The following LIN9 variants were observed in gnomAD, a reference collection of about 807,000 sequenced individuals.
LIN9 encodes the protein protein lin-9 homolog.
Under a neutral mutation model 78.0 loss-of-function variants are expected in LIN9, and 18 were observed. The ratio of observed to expected loss-of-function variants is 0.23; its 90% CI spans 0.16 to 0.34. LIN9 has a LOEUF of 0.34. Among genes scored for constraint, LIN9 ranks in the 10% least tolerant of loss-of-function variants. The probability of loss-of-function intolerance (pLI) is 1.00; values close to 1 mark genes in which losing one functional copy is unlikely to be tolerated. For missense variants in LIN9, 451 were observed against 644.1 expected, an observed-to-expected ratio of 0.70 and a Z score of 3.25; for synonymous variants, 192 against 215.2, an observed-to-expected ratio of 0.89 and a Z score of 0.94.
intron 8 of LIN9, among the ~76,000 whole-genome samples, chr1:226,267,748 T>G (rs1371442507): frequency 1.3e-5 from 2 of 152,148 alleles, no homozygotes; most frequent in Non-Finnish European, 2.9e-5. Context: ...GTCGTTAAGG[T>G]CCAACAGAGA....
intron 4 of LIN9, among the ~76,000 whole-genome samples, chr1:226,292,322 G>A (rs762766049): frequency 1.3e-5 from 2 of 152,124 alleles, no homozygotes; most frequent in Non-Finnish European, 2.9e-5. Flanking sequence ...ACCACACCCA[G>A]CTAATTTTTG....
chr1:226,302,183 G>A lies in LIN9; in HGVS notation c.32-978C>T, dbSNP rs571946832. On this transcript the variant is annotated intron_variant, in intron 1 of 14. Transcript: ENST00000681046. ...GATTCTGTTGCAGGTAACCCACTTT[G>A]AGAAACATCAGGCTACAGGTTCTGG... 1.3e-4 allele frequency among the ~76,000 whole-genome samples: 20 copies of A among 152,328 alleles called. No individual in the cohort carries two copies. The East Asian group carries it at 3.3e-3, about 25-fold the overall frequency.
At position 226,259,379 on chromosome 1, in the gene LIN9, AG is replaced by A. The variant is rs1369527713; in HGVS notation, c.1038+6153del. ...TTGGAGATTTTGATACCCCTCTATC[AG>A]AAATGAACAGATTCAATGGGCAGAA... is the stretch of plus-strand genomic sequence containing the variant. On this transcript the variant is annotated intron_variant, in intron 10 of 14. Transcript: ENST00000681046. Among the ~76,000 whole-genome samples, 4 of 152,332 alleles carry A rather than the reference AG, an allele frequency of 2.6e-5. No individual in the cohort carries two copies. The East Asian group carries it at 5.8e-4, about 22-fold the overall frequency.
chr1:226,304,579 T>C (rs56321125), intron 1 of LIN9, among the ~76,000 whole-genome samples: 31,588 of 152,124 alleles, frequency 0.21, 3,667 homozygotes, highest in East Asian at 0.34. Flanking sequence ...CTCTAAGTAC[T>C]AGCTACCTTA....
In LIN9 at chr1:226,290,307, C is replaced by T. The variant is rs546790209; in HGVS notation, c.265-2510G>A. Reference sequence around the variant, plus strand: ...TCAACTTTGCTCTTATATAAAATGCCAACTAAAACAAGTGAGAGGCTATTT... The same window carrying T: ...TCAACTTTGCTCTTATATAAAATGCTAACTAAAACAAGTGAGAGGCTATTT... On this transcript the variant is annotated intron_variant, in intron 4 of 14. Transcript: ENST00000681046. 8.0e-5 allele frequency among the ~76,000 whole-genome samples: 12 copies of T among 150,384 alleles called. No individual in the cohort carries two copies. In the South Asian group the frequency reaches 2.1e-3, roughly 26 times the overall value.
intron 11 of LIN9, among the ~76,000 whole-genome samples, chr1:226,250,276 C>A (rs57707220): frequency 0.27 from 40,915 of 151,702 alleles, 5,559 homozygotes; most frequent in South Asian, 0.33. Flanking sequence ...GTCAAGATAA[C>A]CTAAAGATGA....
chr1:226,275,622 G>GGCAGAGGCT (rs922949477), intron 7 of LIN9, among the ~76,000 whole-genome samples: 3 of 150,778 alleles, frequency 2.0e-5, no homozygotes, highest in Non-Finnish European at 4.4e-5. Context: ...GAACCTGGGA[G>GGCAGAGGCT]GCAGAGGCTG....
intron 7 of LIN9, among the ~76,000 whole-genome samples, chr1:226,270,277 T>TTAA (rs1660182529): frequency 2.0e-5 from 3 of 151,934 alleles, no homozygotes; most frequent in South Asian, 2.1e-4. Context: ...GAAATCAAGT[T>TTAA]TAATAATAAT....
At chr1:226,301,757 G>A (rs941588367) in intron 1 of LIN9, among the ~76,000 whole-genome samples, 1 of 152,178 alleles carries the variant, frequency 6.6e-6, no homozygotes, top group Non-Finnish European at 1.5e-5. Flanking sequence ...GGGGTCCACT[G>A]GATAAAACAA....
At position 226,233,126 on chromosome 1, in the gene LIN9, A is replaced by G. The variant is rs1270764828; in HGVS notation, c.1493T>C (p.Ile498Thr). Reference sequence around the variant, plus strand: ...ATTAGAAGCGTCTATTGTACTCTTGATATCATTTAATGAGTCTGTAAGTGA... The same window carrying G: ...ATTAGAAGCGTCTATTGTACTCTTGGTATCATTTAATGAGTCTGTAAGTGA... ...FKSLTDSLND[I>T]KSTIDASNIS... Residue 498 changes from isoleucine to threonine, a missense_variant, in exon 14 of 15, where the codon ATC (isoleucine) becomes ACC (threonine). Coordinates refer to ENST00000681046, the MANE Select transcript of LIN9 (RefSeq NM_001366245.2). 1 of 1,606,058 alleles carries G rather than the reference A, an allele frequency of 6.2e-7. No homozygotes were observed. The highest frequency in any genetic ancestry group is 8.5e-7 in the Non-Finnish European group (1 of 1,176,396).
At chr1:226,269,729 C>G (rs1660147872) in intron 7 of LIN9, among the ~76,000 whole-genome samples, 1 of 152,124 alleles carries the variant, frequency 6.6e-6, no homozygotes, top group Non-Finnish European at 1.5e-5. Context: ...TCTACCATCC[C>G]TGGCTAACTG....
intron 2 of LIN9, among the ~76,000 whole-genome samples, chr1:226,299,504 CAA>C (rs34440310): frequency 1.6e-3 from 139 of 88,888 alleles, no homozygotes; most frequent in South Asian, 8.2e-3. Flanking sequence ...GACTCAGTCT[CAA>C]AAAAAAAAAA....
In LIN9 at chr1:226,256,234, G is replaced by GA. The variant is rs939957336; in HGVS notation, c.1039-5316dup. ...CCCATCTCTACATACTAAAAAAAAG[G>GA]AAAAAAAAATCCTGAAAGAAAACAC... On this transcript the variant is annotated intron_variant, in intron 10 of 14. Coordinates refer to ENST00000681046, the MANE Select transcript of LIN9 (RefSeq NM_001366245.2). Among the ~76,000 whole-genome samples the GA allele has an allele frequency of 2.1e-3, 314 of 150,242 alleles. 3 individuals carry two copies. The highest frequency in any genetic ancestry group is 6.5e-3 in the African/African-American group (265 of 40,960).
At chr1:226,253,199 G>A (rs1202797242) in intron 10 of LIN9, among the ~76,000 whole-genome samples, 1 of 149,530 alleles carries the variant, frequency 6.7e-6, no homozygotes, top group Admixed American at 6.7e-5. Context: ...GGGGTTTGAG[G>A]CTGTAGTGAT....
upstream of LIN9, chr1:226,309,494 C>T: frequency 8.9e-7 from 1 of 1,117,996 alleles, no homozygotes; most frequent in Non-Finnish European, 1.1e-6. Flanking sequence ...CCGCGGCCCG[C>T]GCTGCAGCTG....
At chr1:226,257,638 A>G (rs1659284611) in intron 10 of LIN9, among the ~76,000 whole-genome samples, 1 of 152,134 alleles carries the variant, frequency 6.6e-6, no homozygotes, top group South Asian at 2.1e-4. Flanking sequence ...ACTCTAGGGC[A>G]ACCATTAAAG....
At chr1:226,289,870 T>C (rs1404213998) in intron 4 of LIN9, among the ~76,000 whole-genome samples, 2 of 126,988 alleles carry the variant, frequency 1.6e-5, no homozygotes, top group Non-Finnish European at 3.2e-5. Flanking sequence ...AAAGCTAGGT[T>C]GCAATTTTAC....
At chr1:226,295,141 C>T (rs548057191) in intron 4 of LIN9, among the ~76,000 whole-genome samples, 1 of 152,062 alleles carries the variant, frequency 6.6e-6, no homozygotes, top group Admixed American at 6.6e-5. Flanking sequence ...TAAGGAGATA[C>T]GATTTCATGC....
intron 5 of LIN9, among the ~76,000 whole-genome samples, chr1:226,287,438 C>T (rs940844826): frequency 2.0e-5 from 3 of 152,000 alleles, no homozygotes; most frequent in Admixed American, 6.6e-5. Flanking sequence ...GAAATTATAC[C>T]GTAATCAATT....
Sources: allele counts gnomAD v4.1 joint callset (sites outside exome capture counted in the v4.1 genomes callset), GRCh38; gene constraint gnomAD v4.1.1; transcripts MANE v1.5; gene names NCBI Gene and HGNC (gene_info 2026-07-23, HGNC 2026-07-21).